Variants in CABIN1 observed in about 807,000 individuals in gnomAD.
The protein encoded by CABIN1 is calcineurin-binding protein cabin-1.
In CABIN1, 133 loss-of-function variants were observed where a neutral mutation model predicts 227.7. That is an observed-to-expected ratio of 0.58 (90% CI 0.51 to 0.67). CABIN1 has a LOEUF of 0.67. Among genes scored for constraint, CABIN1 ranks in the 30% least tolerant of loss-of-function variants. CABIN1 has a pLI of 0.00. For synonymous variants in CABIN1, 1,086 were observed against 1,155.1 expected (o/e 0.94, Z 1.21); for missense variants, 2,408 against 2,852.5 (o/e 0.84, Z 3.55).
At chr22:24,138,115 T>TG (rs1309582883) in intron 29 of CABIN1, among the ~76,000 whole-genome samples, 1 of 152,102 alleles carries the variant, frequency 6.6e-6, no homozygotes, top group Admixed American at 6.5e-5. Context: ...AGAGCTTGGG[T>TG]GGGGGGCACG....
intron 33 of CABIN1, among the ~76,000 whole-genome samples, chr22:24,170,617 G>A (rs917845307): frequency 1.3e-5 from 2 of 152,184 alleles, no homozygotes; most frequent in Non-Finnish European, 2.9e-5. Context: ...CAGAGCACCG[G>A]CCTGGGGCAC....
chr22:24,127,088 G>A (rs2043777141), intron 28 of CABIN1, among the ~76,000 whole-genome samples: 1 of 152,088 alleles, frequency 6.6e-6, no homozygotes, highest in Admixed American at 6.5e-5. Flanking sequence ...GAGTGTGTCA[G>A]AGACACTACT....
chr22:24,166,549 A>ATCTC, intron 31 of CABIN1, 90 bp from the exon 32 acceptor site: 2 of 1,506,856 alleles, frequency 1.3e-6, no homozygotes, highest in Non-Finnish European at 1.8e-6. Context: ...CAGGTGGGAG[A>ATCTC]GGCCCAGGTT....
Position 24,063,064 on chromosome 22 carries a change from C to T in CABIN1, c.1802C>T (p.Ser601Phe), listed in dbSNP as rs2039313667. Residue 601 changes from serine to phenylalanine, a missense_variant, in exon 14 of 37, where the codon TCC (serine) becomes TTC (phenylalanine). Physicochemically the swap from Ser to Phe is radical, Grantham distance 155. Transcript: ENST00000263119. ...CTCCTACAGCTGTCATTTGCCTCGTCCCAGCGCGACCTGTTCGAGGATGGT... is the reference window on the plus strand; with the variant it reads ...CTCCTACAGCTGTCATTTGCCTCGTTCCAGCGCGACCTGTTCGAGGATGGT... Reference protein sequence around the residue: ...GDLLQLSFASSQRDLFEDGWL... With the variant: ...GDLLQLSFASFQRDLFEDGWL... The T allele has an allele frequency of 3.7e-6, 6 of 1,614,052 alleles. No individual in the cohort carries two copies. The highest frequency in any genetic ancestry group is 1.6e-4 in the Middle Eastern group (1 of 6,084).
chr22:24,064,274 C>T (rs934338794), intron 15 of CABIN1, 87 bp downstream of exon 15: 6 of 1,383,312 alleles, frequency 4.3e-6, no homozygotes, highest in East Asian at 2.3e-5. Context: ...AGTGCAATCT[C>T]GGCTCACTGC....
At chr22:24,142,825 T>C (rs1287467340) in intron 29 of CABIN1, among the ~76,000 whole-genome samples, 3 of 152,180 alleles carry the variant, frequency 2.0e-5, no homozygotes, top group East Asian at 3.9e-4. Flanking sequence ...CCTTCTCTCA[T>C]CAGGGCCAGG....
chr22:24,128,036 A>G lies in CABIN1; in HGVS notation c.4633-6266A>G, dbSNP rs1569255378. On this transcript the variant is annotated intron_variant, in intron 28 of 36. Transcript: ENST00000263119. ...AGCCTTCCTCTAGCTGTGATGACCA[A>G]AGATGTTTCCAGATATTGCCAGATG... Among the ~76,000 whole-genome samples, 3 of 151,996 alleles carry G rather than the reference A, an allele frequency of 2.0e-5. No homozygotes were observed. In the South Asian group the frequency reaches 6.2e-4, roughly 32 times the overall value.
At chr22:24,032,675 A>G (rs763541258) in intron 1 of CABIN1, among the ~76,000 whole-genome samples, 4 of 152,188 alleles carry the variant, frequency 2.6e-5, no homozygotes, top group African/African-American at 9.7e-5. Flanking sequence ...TTTTGCTTTG[A>G]TAACAGCCTA....
At position 24,113,761 on chromosome 22, in the gene CABIN1, A is replaced by G; in HGVS notation, c.4300+13A>G. ...ACAGAAGAAAGAGGTATGAAGCCCTAACTCGGTGAATTAGAACCACTTTGA... is the reference window on the plus strand; with the variant it reads ...ACAGAAGAAAGAGGTATGAAGCCCTGACTCGGTGAATTAGAACCACTTTGA... On this transcript the variant is annotated intron_variant, in intron 27 of 36. Coordinates refer to ENST00000263119, the MANE Select transcript of CABIN1 (RefSeq NM_012295.4). The G allele has an allele frequency of 6.2e-7, 1 of 1,613,586 alleles. No homozygotes were observed. Among genetic ancestry groups the G allele is most frequent in the Non-Finnish European group, 8.5e-7 (1 of 1,179,862 alleles).
At chr22:24,049,022 T>G in intron 6 of CABIN1, 69 bp from the exon 7 acceptor site, 1 of 1,585,718 alleles carries the variant, frequency 6.3e-7, no homozygotes, top group Non-Finnish European at 8.6e-7. Context: ...ATTTTCCTGA[T>G]GTTAACTGGC....
At chr22:24,029,730 C>T (rs912016994) in intron 1 of CABIN1, among the ~76,000 whole-genome samples, 2 of 152,066 alleles carry the variant, frequency 1.3e-5, no homozygotes, top group African/African-American at 4.8e-5. Flanking sequence ...AGGCAGTGGG[C>T]AGAAGGGGTG....
rs2047182868 is a variant in CABIN1, at chr22:24,177,509, A to G, written c.6211A>G (p.Lys2071Glu). The G allele has an allele frequency of 6.5e-7, 1 of 1,528,042 alleles. No homozygotes were observed. Among genetic ancestry groups the G allele is most frequent in the Admixed American group, 2.1e-5 (1 of 47,302 alleles). 94.7% of individuals were successfully genotyped at this position (1,528,042 alleles called of 1,614,324 possible). Reference protein sequence around the residue: ...GAEPTCSQEGKLRPEPRRDGE... With the variant: ...GAEPTCSQEGELRPEPRRDGE... ...TTGGTACCTTTGTCTTCCAGAGGGG[A>G]AACTGAGGCCTGAGCCGAGAAGGGA... The change falls in exon 36 of 37, where the codon AAA becomes GAA. Residue 2071 changes from lysine (K) to glutamate (E), a missense_variant. By Grantham distance (56) the Lys-to-Glu change is moderately conservative. Transcript: ENST00000263119. This position sits in a 1 kb window ranked among gnomAD's most constrained non-coding sequence, Gnocchi z 4.4.
Position 24,050,914 on chromosome 22 carries a change from C to T in CABIN1, c.746C>T (p.Ala249Val), listed in dbSNP as rs745614916. The change falls in exon 8 of 37, where the codon GCG (alanine) becomes GTG (valine). Residue 249 changes from alanine (A) to valine (V), a missense_variant. Ala to Val is a moderately conservative substitution (Grantham distance 64). Coordinates refer to ENST00000263119, the MANE Select transcript of CABIN1 (RefSeq NM_012295.4). ...EALGLRKKRQ[A>V]LIVREKEPDL... ...TTGGGGCTGCGAAAAAAGAGGCAAG[C>T]GCTGATTGTGCGGGAGAAGGAGCCG... The T allele has an allele frequency of 5.0e-6, 8 of 1,614,172 alleles. No homozygotes were observed. The highest frequency in any genetic ancestry group is 1.6e-4 in the Middle Eastern group (1 of 6,062).
At chr22:24,076,036 A>AT in intron 18 of CABIN1, 133 bp from the exon 19 acceptor site, 2 of 639,880 alleles carry the variant, frequency 3.1e-6, no homozygotes, top group Non-Finnish European at 5.5e-6. Flanking sequence ...AAAAAAAAAA[A>AT]GGGAAAGGAA....
intron 4 of CABIN1, 111 bp from the exon 5 acceptor site, chr22:24,041,028 A>G: frequency 5.4e-6 from 7 of 1,289,790 alleles, no homozygotes; most frequent in Non-Finnish European, 6.7e-6. Flanking sequence ...GGACAACACT[A>G]GACTGGCTCA....
At chr22:24,099,347 G>A (rs950036362) in intron 26 of CABIN1, among the ~76,000 whole-genome samples, 1 of 152,234 alleles carries the variant, frequency 6.6e-6, no homozygotes, top group Non-Finnish European at 1.5e-5. Flanking sequence ...AGAAAGGAAA[G>A]GAGACCTGCA....
At position 24,167,085 on chromosome 22, in the gene CABIN1, AGCCCCC is replaced by A. The variant is rs752261887; in HGVS notation, c.5470_5475del (p.Pro1824_Ala1825del). 39 of 1,535,434 alleles carry A rather than the reference AGCCCCC, an allele frequency of 2.5e-5. No individual in the cohort carries two copies. In the South Asian group the frequency reaches 2.9e-4, roughly 11 times the overall value. On this transcript the variant is annotated inframe_deletion, in exon 32 of 37. Transcript: ENST00000263119. ...CCACCCCGCTCACCCCAGCCCAGCC[AGCCCCC>A]GCCCCCGCCCCCGCCACCACCACAG...
At chr22:24,033,945 G>A (rs1030166612) in intron 1 of CABIN1, among the ~76,000 whole-genome samples, 2 of 152,136 alleles carry the variant, frequency 1.3e-5, no homozygotes, top group Non-Finnish European at 2.9e-5. Flanking sequence ...CTAAACCAGC[G>A]GTTCCCATCC....
In CABIN1 at chr22:24,056,290, C is replaced by T. The variant is rs538491465; in HGVS notation, c.1192C>T (p.Arg398Ter). The change falls in exon 10 of 37, where the codon CGA (arginine) becomes TGA (stop). Residue 398 changes from arginine (R) to a stop codon, truncating the protein, a stop_gained. Transcript: ENST00000263119. LOFTEE classifies it high-confidence loss of function. ...ETAKRRSARVRNTKCKKEEKV... is the reference protein window; with the variant it reads ...ETAKRRSARV Reference sequence around the variant, plus strand: ...AGCAAAGCGGCGGTCTGCCCGTGTCCGAAACACCAAGTGCAAAAAAGAAGA... The same window carrying T: ...AGCAAAGCGGCGGTCTGCCCGTGTCTGAAACACCAAGTGCAAAAAAGAAGA... The T allele has an allele frequency of 1.9e-5, 31 of 1,613,752 alleles. No individual in the cohort carries two copies. Among genetic ancestry groups the T allele is most frequent in the East Asian group, 6.7e-5 (3 of 44,872 alleles).
Sources: allele counts gnomAD v4.1 joint callset (sites outside exome capture counted in the v4.1 genomes callset), GRCh38; gene constraint gnomAD v4.1.1; non-coding constraint Gnocchi (gnomAD v3.1); transcripts MANE v1.5; gene names NCBI Gene and HGNC (gene_info 2026-07-23, HGNC 2026-07-21).